The following SNX13 variants were observed in gnomAD, a reference collection of about 807,000 sequenced individuals.
SNX13 encodes sorting nexin 13, also known as sorting nexin-13.
A neutral mutation model predicts 133.6 loss-of-function variants in SNX13; 45 were observed. The observed-to-expected ratio is 0.34, with a 90% confidence interval of 0.27 to 0.43. SNX13 has a LOEUF of 0.43. SNX13 is among the 20% of genes least tolerant of loss of function. The pLI is 1.00. For missense variants in SNX13, 1,032 were observed against 1,145.1 expected (o/e 0.90, Z 1.43); for synonymous variants, 414 against 373.9 (o/e 1.11, Z -1.24).
At chr7:17,897,676 T>G (rs1797355798) in intron 1 of SNX13, among the ~76,000 whole-genome samples, 1 of 152,054 alleles carries the variant, frequency 6.6e-6, no homozygotes, top group South Asian at 2.1e-4. Context: ...ATTACTTTTT[T>G]AAAAAATCCT....
chr7:17,812,355 C>T (rs571332086), intron 20 of SNX13, among the ~76,000 whole-genome samples: 5 of 152,296 alleles, frequency 3.3e-5, no homozygotes, highest in South Asian at 2.1e-4. Context: ...ACAGACACTT[C>T]TCAAAAGAAG....
chr7:17,938,633 ATATTTCC>A (rs1802390714), intron 1 of SNX13, among the ~76,000 whole-genome samples: 1 of 152,224 alleles, frequency 6.6e-6, no homozygotes, highest in Non-Finnish European at 1.5e-5. Context: ...ACTGTTTAAA[ATATTTCC>A]CTAAAACGCA....
intron 20 of SNX13, among the ~76,000 whole-genome samples, chr7:17,807,863 G>C (rs890910690): frequency 3.9e-5 from 6 of 152,190 alleles, no homozygotes; most frequent in African/African-American, 1.4e-4. Flanking sequence ...GCCACAGAGG[G>C]GCCTGATTGT....
chr7:17,852,099 G>A lies in SNX13; in HGVS notation c.838-1135C>T, dbSNP rs574566383. On this transcript the variant is annotated intron_variant, in intron 9 of 25. Coordinates refer to ENST00000428135, the MANE Select transcript of SNX13 (RefSeq NM_015132.5). ...GAAGTGTTTTAAAAAAGAAAATGAC[G>A]GCCAGGTGCAGTGCTTGTAATCGCA... Among the ~76,000 whole-genome samples the A allele has an allele frequency of 2.0e-5, 3 of 152,300 alleles. No individual in the cohort carries two copies. The South Asian group carries it at 6.2e-4, about 32-fold the overall frequency.
intron 13 of SNX13, among the ~76,000 whole-genome samples, chr7:17,838,004 G>A (rs982757389): frequency 1.3e-5 from 2 of 151,690 alleles, no homozygotes; most frequent in African/African-American, 2.4e-5. Flanking sequence ...CAATTTTAGC[G>A]AAACAGTATA....
chr7:17,886,392 A>G (rs551065263), intron 5 of SNX13, among the ~76,000 whole-genome samples: 1 of 152,098 alleles, frequency 6.6e-6, no homozygotes, highest in South Asian at 2.1e-4. Flanking sequence ...ACATGGTGAA[A>G]CCCCGTCTCT....
intron 15 of SNX13, chr7:17,830,353 G>A: frequency 2.0e-6 from 2 of 984,214 alleles, no homozygotes; most frequent in East Asian, 1.1e-4. Flanking sequence ...CAAGTAAGTT[G>A]CCTAATACAA....
rs748764185 is a variant in SNX13, at chr7:17,845,648, G to T, written c.1112C>A (p.Thr371Lys). ...TACAAGAATGCTGTCCAGGGGGACT[G>T]TGCAAAGTTTCCCAAAGTTTGCTGC... is the stretch of plus-strand genomic sequence containing the variant. ...KLAANFGKLC[T>K]VPLDSILVDN... Residue 371 changes from threonine to lysine, a missense_variant, in exon 12 of 26, where the codon ACA (threonine) becomes AAA (lysine). Physicochemically the swap from Thr to Lys is moderately conservative, Grantham distance 78. Transcript: ENST00000428135. 4.4e-6 allele frequency: 7 copies of T among 1,603,706 alleles called. No individual in the cohort carries two copies. The highest frequency in any genetic ancestry group is 6.0e-6 in the Non-Finnish European group (7 of 1,175,238).
chr7:17,796,110 A>C (rs1784024088), intron 25 of SNX13: 1 of 151,696 alleles, frequency 6.6e-6, no homozygotes, highest in Non-Finnish European at 1.5e-5. Context: ...ACTCATTAAC[A>C]AGGGGCAAAA....
intron 12 of SNX13, among the ~76,000 whole-genome samples, chr7:17,840,519 G>A (rs557645901): frequency 2.6e-5 from 4 of 151,914 alleles, no homozygotes; most frequent in East Asian, 1.9e-4. Context: ...GAACAAAAAC[G>A]ATACAAACAG....
chr7:17,815,598 C>T (rs1786568815), intron 19 of SNX13, among the ~76,000 whole-genome samples: 1 of 151,960 alleles, frequency 6.6e-6, no homozygotes, highest in Non-Finnish European at 1.5e-5. Flanking sequence ...ACAAACAAAA[C>T]ATTAAATAAA....
chr7:17,916,672 G>A (rs564736545), intron 1 of SNX13, among the ~76,000 whole-genome samples: 10 of 150,174 alleles, frequency 6.7e-5, no homozygotes, highest in East Asian at 5.9e-4. Flanking sequence ...AAAGAAGAAC[G>A]TATCAACCAA....
chr7:17,797,408 T>C (rs1354464480), intron 24 of SNX13, among the ~76,000 whole-genome samples: 3 of 151,850 alleles, frequency 2.0e-5, no homozygotes, highest in African/African-American at 7.2e-5. Flanking sequence ...AACTTACAGA[T>C]GGATTGACTA....
chr7:17,893,684 T>C (rs1229438098), intron 2 of SNX13, among the ~76,000 whole-genome samples: 2 of 152,124 alleles, frequency 1.3e-5, no homozygotes, highest in Admixed American at 1.3e-4. Context: ...CTAAAGAATC[T>C]TGTGACAAGG....
At chr7:17,938,031 G>A (rs1040286292) in intron 1 of SNX13, among the ~76,000 whole-genome samples, 1 of 152,178 alleles carries the variant, frequency 6.6e-6, no homozygotes, top group Non-Finnish European at 1.5e-5. Flanking sequence ...AGTCAGCAAT[G>A]TCTAGCAGAA....
At chr7:17,893,007 A>C (rs1049999694) in intron 3 of SNX13, among the ~76,000 whole-genome samples, 3 of 152,188 alleles carry the variant, frequency 2.0e-5, no homozygotes, top group Non-Finnish European at 4.4e-5. Context: ...TCAAACCAGA[A>C]TACTCATTGA....
chr7:17,890,993 A>C (rs999196975), intron 4 of SNX13, among the ~76,000 whole-genome samples: 47 of 151,924 alleles, frequency 3.1e-4, no homozygotes, highest in Non-Finnish European at 1.0e-4. Flanking sequence ...TTCAGACAAT[A>C]AATAGTACAT....
chr7:17,850,954 G>T lies in SNX13; in HGVS notation c.848C>A (p.Ser283Tyr). 1.2e-6 allele frequency: 2 copies of T among 1,602,928 alleles called. No individual in the cohort carries two copies. Among genetic ancestry groups the T allele is most frequent in the East Asian group, 4.5e-5 (2 of 44,610 alleles). ...NQYVIWMIRD[S>Y]NCNYEAFMNI... ...CATAAAGGCCTCATAGTTGCAGTTAGAATCACGGATCTGAAAACAAGTTTA... is the reference window on the plus strand; with the variant it reads ...CATAAAGGCCTCATAGTTGCAGTTATAATCACGGATCTGAAAACAAGTTTA... The change falls in exon 10 of 26, where the codon TCT becomes TAT. Residue 283 changes from serine to tyrosine, a missense_variant. Transcript: ENST00000428135.
In SNX13 at chr7:17,794,292, T is replaced by A. The variant is rs1448973909; in HGVS notation, c.2627A>T (p.Asp876Val). Reference protein sequence around the residue: ...GKTKLLAIMPDELKHIIGAET... With the variant: ...GKTKLLAIMPVELKHIIGAET... ...AGCCCCAATAATGTGCTTCAGCTCA[T>A]CTAAATGAAGTGGAGGAAAACACAC... The change falls in exon 26 of 26, where the codon GAT (aspartate) becomes GTT (valine). Residue 876 changes from aspartate to valine, a missense_variant and splice_region_variant. Physicochemically the swap from Asp to Val is radical, Grantham distance 152 (BLOSUM62 -3). Transcript: ENST00000428135. The A allele has an allele frequency of 1.2e-6, 2 of 1,606,550 alleles. No individual in the cohort carries two copies. Among genetic ancestry groups the A allele is most frequent in the Non-Finnish European group, 1.7e-6 (2 of 1,176,336 alleles).
Sources: gnomAD v4.1 joint callset for allele counts (sites outside exome capture counted in the v4.1 genomes callset) on GRCh38, gnomAD v4.1.1 for gene constraint, MANE v1.5 for transcripts, NCBI Gene and HGNC (gene_info 2026-07-23, HGNC 2026-07-21) for gene names.